Variants in MGAT5 observed in about 807,000 individuals in gnomAD.
MGAT5 encodes alpha-1,6-mannosylglycoprotein 6-beta-N-acetylglucosaminyltransferase A.
Under a neutral mutation model 94.3 loss-of-function variants are expected in MGAT5, and 30 were observed. The observed-to-expected ratio is 0.32, with a 90% CI of 0.24 to 0.43. The LOEUF is 0.43. MGAT5 is among the 20% of genes least tolerant of loss of function. The probability of loss-of-function intolerance (pLI) is 1.00; values close to 1 mark genes in which losing one functional copy is unlikely to be tolerated. For missense variants in MGAT5, 691 were observed against 905.5 expected, an observed-to-expected ratio of 0.76 and a Z score of 3.04; for synonymous variants, 310 against 322.9, an observed-to-expected ratio of 0.96 and a Z score of 0.43.
intron 6 of MGAT5, among the ~76,000 whole-genome samples, chr2:134,339,327 T>C (rs1688501655): frequency 6.6e-6 from 1 of 152,140 alleles, no homozygotes; most frequent in Admixed American, 6.6e-5. Context: ...GGATATATTG[T>C]TAGGTGAAGA....
intron 2 of MGAT5, among the ~76,000 whole-genome samples, chr2:134,304,208 T>G: frequency 6.6e-6 from 1 of 152,142 alleles, no homozygotes; most frequent in Admixed American, 6.6e-5. Context: ...CTGGTTTTGG[T>G]ATGCATGCTA....
intron 7 of MGAT5, among the ~76,000 whole-genome samples, chr2:134,342,719 T>TAAAAA (rs3838499): frequency 3.0e-4 from 42 of 138,772 alleles, no homozygotes; most frequent in African/African-American, 9.7e-4. Flanking sequence ...GTCTCTGTCT[T>TAAAAA]AAAAAAAAAA....
intron 13 of MGAT5, among the ~76,000 whole-genome samples, chr2:134,424,324 T>C (rs1684459341): frequency 6.6e-6 from 1 of 152,102 alleles, no homozygotes; most frequent in Non-Finnish European, 1.5e-5. Flanking sequence ...ATTCAGAACA[T>C]CTCCAGGGGA....
intron 4 of MGAT5, among the ~76,000 whole-genome samples, chr2:134,323,339 C>T (rs747932809): frequency 2.6e-5 from 4 of 152,130 alleles, no homozygotes; most frequent in African/African-American, 4.8e-5. Flanking sequence ...ACTATTGATG[C>T]TCCACTGTAC....
chr2:134,392,709 A>G (rs935733452), intron 10 of MGAT5, among the ~76,000 whole-genome samples: 1 of 152,246 alleles, frequency 6.6e-6, no homozygotes, highest in Non-Finnish European at 1.5e-5. Context: ...TCATGAAGCC[A>G]TGGGTATTAA....
chr2:134,442,933 G>A (rs1165517168), intron 15 of MGAT5, among the ~76,000 whole-genome samples: 1 of 152,118 alleles, frequency 6.6e-6, no homozygotes, highest in Non-Finnish European at 1.5e-5. Flanking sequence ...TTCCAGGCTT[G>A]AAGAGGATGT....
intron 10 of MGAT5, among the ~76,000 whole-genome samples, chr2:134,376,042 G>T (rs992141169): frequency 3.3e-5 from 5 of 152,170 alleles, no homozygotes; most frequent in Admixed American, 3.3e-4. Flanking sequence ...TGTTGATCCA[G>T]ACCAGTTAGT....
At chr2:134,404,578 C>T (rs1037493015) in intron 11 of MGAT5, among the ~76,000 whole-genome samples, 1 of 152,140 alleles carries the variant, frequency 6.6e-6, no homozygotes, top group Non-Finnish European at 1.5e-5. Flanking sequence ...GTCATAAACA[C>T]TCAAACTTAA....
intron 7 of MGAT5, among the ~76,000 whole-genome samples, chr2:134,342,107 A>G (rs1232053125): frequency 6.6e-6 from 1 of 152,038 alleles, no homozygotes; most frequent in East Asian, 1.9e-4. Context: ...ACCACTGCCT[A>G]CTCAACATCA....
At chr2:134,277,052 G>A (rs189969318) in intron 2 of MGAT5, among the ~76,000 whole-genome samples, 27 of 152,268 alleles carry the variant, frequency 1.8e-4, no homozygotes, top group Non-Finnish European at 3.4e-4. Flanking sequence ...TCAGAATATC[G>A]GTTTAAAGGC....
intron 1 of MGAT5, among the ~76,000 whole-genome samples, chr2:134,173,978 C>T (rs181380171): frequency 3.3e-5 from 5 of 152,346 alleles, no homozygotes; most frequent in Admixed American, 1.3e-4. Context: ...ATCATCATCT[C>T]TCTTCTGACT....
At chr2:134,436,045 C>T (rs1685150282) in intron 14 of MGAT5, among the ~76,000 whole-genome samples, 1 of 152,224 alleles carries the variant, frequency 6.6e-6, no homozygotes, top group Non-Finnish European at 1.5e-5. Flanking sequence ...CTTTTACCTC[C>T]AGACTCTTGC....
intron 10 of MGAT5, among the ~76,000 whole-genome samples, chr2:134,375,419 G>A (rs987948137): frequency 6.6e-6 from 1 of 152,158 alleles, no homozygotes; most frequent in Non-Finnish European, 1.5e-5. Context: ...GGTTCTGTAC[G>A]GTTCTGTGTG....
At chr2:134,436,610 C>T (rs1354237676) in intron 14 of MGAT5, among the ~76,000 whole-genome samples, 1 of 152,178 alleles carries the variant, frequency 6.6e-6, no homozygotes, top group East Asian at 1.9e-4. Context: ...CGGTGCCATC[C>T]TGCCCTGCTG....
intron 1 of MGAT5, among the ~76,000 whole-genome samples, chr2:134,205,103 G>A (rs1458483293): frequency 2.6e-5 from 4 of 152,202 alleles, no homozygotes; most frequent in Non-Finnish European, 4.4e-5. Flanking sequence ...AGAGTTGTGT[G>A]CATGGCATGT....
intron 6 of MGAT5, among the ~76,000 whole-genome samples, chr2:134,340,776 G>C (rs148979234): frequency 7.9e-5 from 12 of 152,252 alleles, no homozygotes; most frequent in Admixed American, 1.3e-4. Context: ...AATGGATCTA[G>C]CTAGTGACCA....
chr2:134,158,847 G>A (rs1320108957), intron 1 of MGAT5, among the ~76,000 whole-genome samples: 1 of 152,036 alleles, frequency 6.6e-6, no homozygotes, highest in South Asian at 2.1e-4. Context: ...CCCTTTATCT[G>A]CCCTTCACTG....
intron 11 of MGAT5, among the ~76,000 whole-genome samples, chr2:134,405,972 A>G (rs905108053): frequency 2.6e-5 from 4 of 152,240 alleles, no homozygotes; most frequent in African/African-American, 4.8e-5. Flanking sequence ...AGATCCTTCT[A>G]ATTGGGGTAT....
intron 1 of MGAT5, among the ~76,000 whole-genome samples, chr2:134,176,654 C>A (rs890579506): frequency 2.7e-5 from 4 of 150,212 alleles, no homozygotes; most frequent in African/African-American, 9.8e-5. Flanking sequence ...TTTAAAAAGT[C>A]TATAATACAA....
Sources: gnomAD v4.1 joint callset for allele counts (sites outside exome capture counted in the v4.1 genomes callset) on GRCh38, gnomAD v4.1.1 for gene constraint, MANE v1.5 for transcripts, NCBI Gene and HGNC (gene_info 2026-07-23, HGNC 2026-07-21) for gene names.